MCTP1: variants seen among roughly 807,000 people sequenced by gnomAD.
MCTP1 encodes multiple C2 and transmembrane domain containing 1, also known as multiple C2 and transmembrane domain-containing protein 1.
Under a neutral mutation model 120.6 loss-of-function variants are expected in MCTP1, and 69 were observed. The ratio of observed to expected loss-of-function variants is 0.57; its 90% CI spans 0.47 to 0.70. MCTP1 has a LOEUF of 0.70. MCTP1 is among the 30% of genes least tolerant of loss of function. MCTP1 has a pLI of 0.00. For synonymous variants in MCTP1, 529 were observed against 493.1 expected (o/e 1.07, Z -0.96); for missense variants, 1,203 against 1,248.8 (o/e 0.96, Z 0.55).
chr5:95,081,808 A>G (rs1754982056), intron 1 of MCTP1: 1 of 1,058,266 alleles, frequency 9.4e-7, no homozygotes, highest in Non-Finnish European at 1.1e-6. Context: ...CACATTAAAT[A>G]CTAAAAACTT....
intron 1 of MCTP1, among the ~76,000 whole-genome samples, chr5:95,035,319 TAA>T (rs1457676406): frequency 6.6e-6 from 1 of 152,040 alleles, no homozygotes; most frequent in African/African-American, 2.4e-5. Context: ...GGAATCAACC[TAA>T]GTGTCCATCA....
At chr5:94,930,102 A>G (rs1301098097) in intron 6 of MCTP1, among the ~76,000 whole-genome samples, 5 of 151,980 alleles carry the variant, frequency 3.3e-5, no homozygotes, top group Non-Finnish European at 5.9e-5. Flanking sequence ...AATAATAAAT[A>G]TAAACTCCAA....
intron 19 of MCTP1, among the ~76,000 whole-genome samples, chr5:94,725,361 A>G (rs1761898271): frequency 6.6e-6 from 1 of 152,320 alleles, no homozygotes; most frequent in African/African-American, 2.4e-5. Flanking sequence ...TGCTCTTTCT[A>G]CAAGCTCAGT....
intron 17 of MCTP1, among the ~76,000 whole-genome samples, chr5:94,859,810 T>A (rs1449328218): frequency 6.6e-6 from 1 of 151,702 alleles, no homozygotes; most frequent in Non-Finnish European, 1.5e-5. Flanking sequence ...TTGTGGTAAT[T>A]AATGCACTCC....
intron 1 of MCTP1, among the ~76,000 whole-genome samples, chr5:95,055,081 G>T (rs1014045499): frequency 6.6e-6 from 1 of 152,082 alleles, no homozygotes; most frequent in African/African-American, 2.4e-5. Flanking sequence ...TAATACACAA[G>T]CTGGAGCTAT....
At chr5:94,980,772 G>T (rs1829225022) in intron 2 of MCTP1, 1 of 151,716 alleles carries the variant, frequency 6.6e-6, no homozygotes, top group Admixed American at 6.6e-5. Context: ...AGTTTTAAAG[G>T]GTATGCTTCC....
Position 94,954,021 on chromosome 5 carries a change from TGC to T in MCTP1, c.839-662_839-661del, listed in dbSNP as rs1374779485. On this transcript the variant is annotated intron_variant, in intron 2 of 22. Transcript: ENST00000515393. The stretch of plus-strand genomic sequence containing the variant: ...ATATGCATATATATACAAATATATA[TGC>T]ATATATATACAAATATATATATGCA... Among the ~76,000 whole-genome samples the T allele has an allele frequency of 6.0e-3, 458 of 76,576 alleles. 72 individuals are homozygous for T. The highest frequency in any genetic ancestry group is 0.015 in the East Asian group (51 of 3,434). The allele number at this position is 76,576 out of a possible 152,430, so 50.2% of individuals were successfully genotyped here. A position where few individuals can be genotyped will look rare whatever the true frequency, so the allele number is the denominator to read the frequency against.
chr5:94,983,962 T>A (rs1166491142), intron 2 of MCTP1, among the ~76,000 whole-genome samples: 1 of 152,204 alleles, frequency 6.6e-6, no homozygotes, highest in East Asian at 1.9e-4. Context: ...GGACATTTTG[T>A]ACTGCATTAT....
chr5:95,258,723 G>A (rs1016075690), intron 1 of MCTP1, among the ~76,000 whole-genome samples: 1 of 152,066 alleles, frequency 6.6e-6, no homozygotes, highest in Non-Finnish European at 1.5e-5. Context: ...CTAAATAAAA[G>A]TTCATTAAAA....
intron 17 of MCTP1, among the ~76,000 whole-genome samples, chr5:94,819,618 T>C (rs1785219251): frequency 1.3e-5 from 2 of 152,164 alleles, no homozygotes; most frequent in Admixed American, 1.3e-4. Flanking sequence ...AGACAATAGG[T>C]CCAATGTGGC....
chr5:95,172,004 G>A (rs978707929), intron 1 of MCTP1, among the ~76,000 whole-genome samples: 1 of 152,126 alleles, frequency 6.6e-6, no homozygotes. Context: ...AGAAATTTCA[G>A]CTTTTCTGCT....
chr5:94,934,607 A>T (rs1297346912), intron 5 of MCTP1, among the ~76,000 whole-genome samples: 2 of 151,938 alleles, frequency 1.3e-5, no homozygotes, highest in Non-Finnish European at 2.9e-5. Flanking sequence ...AAGAAATCAC[A>T]GAATTAGATA....
At chr5:95,046,349 C>T (rs977520523) in intron 1 of MCTP1, among the ~76,000 whole-genome samples, 1 of 152,162 alleles carries the variant, frequency 6.6e-6, no homozygotes, top group African/African-American at 2.4e-5. Context: ...TCTGTATCAG[C>T]TCTAACAGCT....
chr5:94,917,808 TG>T, intron 8 of MCTP1, 87 bp downstream of exon 8: 1 of 950,286 alleles, frequency 1.1e-6, no homozygotes, highest in Non-Finnish European at 1.7e-6. Context: ...GTATAGGGAG[TG>T]GGTTTTCAGT....
At chr5:94,963,220 A>G (rs949987573) in intron 2 of MCTP1, among the ~76,000 whole-genome samples, 5 of 152,078 alleles carry the variant, frequency 3.3e-5, no homozygotes, top group Non-Finnish European at 7.4e-5. Context: ...AGACATTTAG[A>G]TTGCTTCCAT....
Position 94,741,641 on chromosome 5 carries a change from C to A in MCTP1, c.2611-26755G>T, listed in dbSNP as rs372072979. On this transcript the variant is annotated intron_variant, in intron 19 of 22. Coordinates refer to ENST00000515393, the MANE Select transcript of MCTP1 (RefSeq NM_024717.7). ...TTTAAAATTAACTTGTGGTCAGCTTCCTCTCAGATGCTTTAGTAATAATTA... is the reference window on the plus strand; with the variant it reads ...TTTAAAATTAACTTGTGGTCAGCTTACTCTCAGATGCTTTAGTAATAATTA... Among the ~76,000 whole-genome samples, 30 of 152,264 alleles carry A rather than the reference C, an allele frequency of 2.0e-4. 1 individual carries two copies. In the South Asian group the frequency reaches 6.2e-3, roughly 32 times the overall value.
chr5:94,808,225 T>C (rs560078410), intron 17 of MCTP1, among the ~76,000 whole-genome samples: 5 of 152,308 alleles, frequency 3.3e-5, no homozygotes, highest in African/African-American at 1.2e-4. Context: ...TCTTTATTTC[T>C]GGTTGGTTCC....
chr5:94,809,570 C>T (rs6867377), intron 17 of MCTP1, among the ~76,000 whole-genome samples: 15,672 of 152,074 alleles, frequency 0.1, 952 homozygotes, highest in African/African-American at 0.15. Flanking sequence ...ATGCCTACCA[C>T]GGTATCAAAC....
intron 1 of MCTP1, among the ~76,000 whole-genome samples, chr5:95,084,419 G>A (rs1327987161): frequency 6.6e-6 from 1 of 151,918 alleles, no homozygotes; most frequent in African/African-American, 2.4e-5. Flanking sequence ...TTTTCAGTCT[G>A]GTTAAAGTGA....
Sources: gnomAD v4.1 joint callset for allele counts (sites outside exome capture counted in the v4.1 genomes callset) on GRCh38, gnomAD v4.1.1 for gene constraint, MANE v1.5 for transcripts, NCBI Gene and HGNC (gene_info 2026-07-23, HGNC 2026-07-21) for gene names.